ENPP1: variants seen among roughly 807,000 people sequenced by gnomAD.
The protein encoded by ENPP1 is ectonucleotide pyrophosphatase/phosphodiesterase family member 1.
In ENPP1, 73 loss-of-function variants were observed where a neutral mutation model predicts 122.8. That is an observed-to-expected ratio of 0.59 (90% CI 0.49 to 0.72). ENPP1 has a LOEUF of 0.72. ENPP1 is among the 30% of genes least tolerant of loss of function. ENPP1 has a pLI of 0.00. For missense variants in ENPP1, 978 were observed against 1,128.1 expected, an observed-to-expected ratio of 0.87 and a Z score of 1.91; for synonymous variants, 367 against 391.6, an observed-to-expected ratio of 0.94 and a Z score of 0.74.
At chr6:131,864,360 G>A (rs1004379143) in intron 9 of ENPP1, 146 bp from the exon 10 acceptor site, 2 of 639,748 alleles carry the variant, frequency 3.1e-6, no homozygotes, top group African/African-American at 3.7e-5. Flanking sequence ...GGAAAATAAA[G>A]TTTTCAAATA....
In ENPP1 at chr6:131,860,439, A is replaced by T; in HGVS notation, c.848A>T (p.Lys283Ile). The change falls in exon 8 of 25, where the codon AAA becomes ATA. Residue 283 changes from lysine to isoleucine, a missense_variant. Coordinates refer to ENST00000647893, the MANE Select transcript of ENPP1 (RefSeq NM_006208.3). Reference sequence around the variant, plus strand: ...ATCGACAATAAAATGTATGATCCCAAAATGAATGCTTCCTTTTCACTTAAA... The same window carrying T: ...ATCGACAATAAAATGTATGATCCCATAATGAATGCTTCCTTTTCACTTAAA... ...GIIDNKMYDP[K>I]MNASFSLKSK... The T allele has an allele frequency of 6.3e-7, 1 of 1,594,572 alleles. No homozygotes were observed. The highest frequency in any genetic ancestry group is 2.2e-5 in the East Asian group (1 of 44,632).
chr6:131,866,427 C>T (rs1014165855), intron 11 of ENPP1, among the ~76,000 whole-genome samples: 2 of 152,164 alleles, frequency 1.3e-5, no homozygotes, highest in African/African-American at 4.8e-5. Flanking sequence ...AATTCAGCAA[C>T]AGCAGAGGAA....
chr6:131,846,289 A>G (rs1242943316), intron 1 of ENPP1, among the ~76,000 whole-genome samples: 1 of 152,124 alleles, frequency 6.6e-6, no homozygotes, highest in Non-Finnish European at 1.5e-5. Flanking sequence ...CCATCTTTCC[A>G]TACCTCCACC....
At chr6:131,856,300 T>C (rs1032844246) in intron 6 of ENPP1, among the ~76,000 whole-genome samples, 2 of 151,736 alleles carry the variant, frequency 1.3e-5, no homozygotes, top group South Asian at 4.2e-4. Flanking sequence ...TTGAGAAGTG[T>C]CTGTTCATGT....
intron 1 of ENPP1, among the ~76,000 whole-genome samples, chr6:131,823,053 A>G (rs1781501797): frequency 6.6e-6 from 1 of 152,212 alleles, no homozygotes; most frequent in Non-Finnish European, 1.5e-5. Context: ...AGGGCTCACC[A>G]TGAATAGTTT....
intron 11 of ENPP1, 98 bp from the exon 12 acceptor site, chr6:131,867,920 T>G: frequency 1.2e-6 from 1 of 860,846 alleles, no homozygotes; most frequent in Non-Finnish European, 1.9e-6. Context: ...TCTTTCTTTG[T>G]TTCTTTCTTT....
chr6:131,810,450 C>T (rs1372711661), intron 1 of ENPP1, among the ~76,000 whole-genome samples: 1 of 132,680 alleles, frequency 7.5e-6, no homozygotes, highest in Non-Finnish European at 1.6e-5. Flanking sequence ...CCAACCCCGC[C>T]CCCCCCCCAA....
chr6:131,849,592 T>G (rs1277617591), intron 2 of ENPP1, among the ~76,000 whole-genome samples: 1 of 152,210 alleles, frequency 6.6e-6, no homozygotes, highest in African/African-American at 2.4e-5. Flanking sequence ...TTTTCCCACA[T>G]TTTGAAATTT....
intron 6 of ENPP1, among the ~76,000 whole-genome samples, chr6:131,856,922 G>A (rs1781954449): frequency 6.6e-6 from 1 of 152,140 alleles, no homozygotes; most frequent in African/African-American, 2.4e-5. Flanking sequence ...GTCAGGTAGT[G>A]TGATGCTTCC....
rs1477273013 is a variant in ENPP1, at chr6:131,886,655, G to T, written c.2538G>T (p.Leu846Phe). ...TSCKDTSQTP[L>F]HCENLDTLAF... ...GTAAAGATACATCTCAGACGCCTTTGCACTGTGAAAACCTAGACACCTTAG... is the reference window on the plus strand; with the variant it reads ...GTAAAGATACATCTCAGACGCCTTTTCACTGTGAAAACCTAGACACCTTAG... Residue 846 changes from leucine to phenylalanine, a missense_variant, in exon 24 of 25, where the codon TTG becomes TTT. This residue lies in a region of ENPP1 where 644 missense variants were observed against 781.5 expected (regional missense o/e 0.82). Coordinates refer to ENST00000647893, the MANE Select transcript of ENPP1 (RefSeq NM_006208.3). 6.2e-7 allele frequency: 1 copy of T among 1,613,884 alleles called. No homozygotes were observed. Among genetic ancestry groups the T allele is most frequent in the Non-Finnish European group, 8.5e-7 (1 of 1,179,894 alleles).
chr6:131,818,661 A>AAG (rs776221110), intron 1 of ENPP1, among the ~76,000 whole-genome samples: 1 of 147,576 alleles, frequency 6.8e-6, no homozygotes, highest in Non-Finnish European at 1.5e-5. Context: ...AAAAAAAAAA[A>AAG]TGTCCTTGAT....
chr6:131,868,645 A>G (rs1055074474), intron 12 of ENPP1, among the ~76,000 whole-genome samples: 13 of 152,150 alleles, frequency 8.5e-5, no homozygotes, highest in Non-Finnish European at 1.5e-4. Flanking sequence ...GGATCTTGCT[A>G]TGTTGAGCAG....
At chr6:131,851,828 A>G (rs577547248) in intron 4 of ENPP1, among the ~76,000 whole-genome samples, 110 of 152,292 alleles carry the variant, frequency 7.2e-4, no homozygotes, top group African/African-American at 2.6e-3. Context: ...TAAGACACCA[A>G]AATACCAAGG....
intron 1 of ENPP1, among the ~76,000 whole-genome samples, chr6:131,842,891 A>G (rs1025704056): frequency 6.6e-6 from 1 of 150,388 alleles, no homozygotes; most frequent in Non-Finnish European, 1.5e-5. Flanking sequence ...AGGGAAAAAA[A>G]TTTTTTTTTT....
Position 131,873,544 on chromosome 6 carries a change from T to C in ENPP1, c.1565+494T>C, listed in dbSNP as rs1388651290. Reference sequence around the variant, plus strand: ...AGTTGGTAAAAGCACTTTATAATAATGAGTAACTATCTTCATTATACACGT... The same window carrying C: ...AGTTGGTAAAAGCACTTTATAATAACGAGTAACTATCTTCATTATACACGT... On this transcript the variant is annotated intron_variant, in intron 15 of 24. Transcript: ENST00000647893. Among the ~76,000 whole-genome samples, 5 of 152,016 alleles carry C rather than the reference T, an allele frequency of 3.3e-5. No individual in the cohort carries two copies. In the East Asian group the frequency reaches 5.8e-4, roughly 18 times the overall value.
chr6:131,852,067 A>G (rs1204922999), intron 4 of ENPP1, 108 bp from the exon 5 acceptor site: 4 of 733,892 alleles, frequency 5.5e-6, no homozygotes, highest in East Asian at 2.6e-5. Flanking sequence ...TTATCTATCA[A>G]TCTGTTCACA....
intron 1 of ENPP1, among the ~76,000 whole-genome samples, chr6:131,831,129 A>G (rs1585800018): frequency 6.6e-6 from 1 of 151,320 alleles, no homozygotes; most frequent in Non-Finnish European, 1.5e-5. Flanking sequence ...AAAAAAAAAA[A>G]AAAAAAAAGA....
intron 1 of ENPP1, among the ~76,000 whole-genome samples, chr6:131,841,716 C>G (rs1781742761): frequency 6.6e-6 from 1 of 152,142 alleles, no homozygotes; most frequent in African/African-American, 2.4e-5. Context: ...ATCCATGCCT[C>G]TCGGGAACTC....
rs945659543 is a variant in ENPP1 at position 131,894,102 on chromosome 6, T to G, written c.*3591T>G. 3 of 150,562 alleles carry G rather than the reference T, an allele frequency of 2.0e-5. No individual in the cohort carries two copies. The highest frequency in any genetic ancestry group is 7.5e-5 in the African/African-American group (3 of 40,152). 9.3% of individuals were successfully genotyped at this position (150,562 alleles called of 1,614,324 possible). A position where few individuals can be genotyped will look rare whatever the true frequency, so the allele number is the denominator to read the frequency against. ...CCGAGTAACTGGGACTACAGGCACC[T>G]GCCGTCACGCCTGGCTAATTTTTTG... On this transcript the variant is annotated 3_prime_UTR_variant, in exon 25 of 25. Transcript: ENST00000647893.
Sources: gnomAD v4.1 joint callset for allele counts (sites outside exome capture counted in the v4.1 genomes callset) on GRCh38, gnomAD v4.1.1 for gene constraint, gnomAD v4.1.1 regional missense constraint, MANE v1.5 for transcripts, NCBI Gene and HGNC (gene_info 2026-07-23, HGNC 2026-07-21) for gene names.